Variants in FAM120B observed in about 807,000 individuals in gnomAD.
FAM120B encodes constitutive coactivator of peroxisome proliferator-activated receptor gamma.
A neutral mutation model predicts 96.3 loss-of-function variants in FAM120B; 83 were observed. The observed-to-expected ratio is 0.86, with a 90% CI of 0.72 to 1.03. FAM120B has a LOEUF of 1.03. Ranked by LOEUF, FAM120B falls within the 50% of genes least tolerant of loss-of-function variation. The pLI is 0.00. For missense variants in FAM120B, 1,027 were observed against 1,121.2 expected (o/e 0.92, Z 1.20); for synonymous variants, 407 against 402.7 (o/e 1.01, Z -0.13).
chr6:170,315,002 G>C (rs532182216), intron 1 of FAM120B, among the ~76,000 whole-genome samples: 1 of 152,364 alleles, frequency 6.6e-6, no homozygotes, highest in African/African-American at 2.4e-5. Context: ...CCCACTGGCT[G>C]CTGACCACAG....
At chr6:170,399,307 A>G (rs548743698) in intron 9 of FAM120B, among the ~76,000 whole-genome samples, 1 of 148,320 alleles carries the variant, frequency 6.7e-6, no homozygotes, top group South Asian at 2.1e-4. Context: ...GAACTATGTC[A>G]TAACTCTTAG....
intron 6 of FAM120B, among the ~76,000 whole-genome samples, chr6:170,360,586 A>G (rs972460393): frequency 6.6e-6 from 1 of 152,188 alleles, no homozygotes; most frequent in Admixed American, 6.5e-5. Context: ...CCATCCACTC[A>G]GCAGCACTGG....
intron 8 of FAM120B, among the ~76,000 whole-genome samples, chr6:170,391,491 C>T (rs1583307993): frequency 6.6e-6 from 1 of 151,808 alleles, no homozygotes; most frequent in South Asian, 2.1e-4. Flanking sequence ...GCCAAGATCA[C>T]GTCACTGCAC....
At chr6:170,337,395 T>G (rs1449898748) in intron 4 of FAM120B, among the ~76,000 whole-genome samples, 1 of 152,210 alleles carries the variant, frequency 6.6e-6, no homozygotes, top group Non-Finnish European at 1.5e-5. Context: ...CTGATCGTGG[T>G]GGATAAATTT....
rs1778796709 is a variant in FAM120B, at chr6:170,406,206, A to G, written c.*1455A>G. The G allele has an allele frequency of 6.6e-6, 1 of 152,032 alleles. No individual in the cohort carries two copies. Among genetic ancestry groups the G allele is most frequent in the Non-Finnish European group, 1.5e-5 (1 of 68,004 alleles). 9.4% of individuals were successfully genotyped at this position (152,032 alleles called of 1,614,324 possible). A position where few individuals can be genotyped will look rare whatever the true frequency, so the allele number is the denominator to read the frequency against. On this transcript the variant is annotated 3_prime_UTR_variant, in exon 11 of 11. Coordinates refer to ENST00000476287, the MANE Select transcript of FAM120B (RefSeq NM_032448.3). ...CTCTGTGGGCAGCCGTCTTCCAGAA[A>G]CCTCGAACTTATGTCTGTCTCCACC...
chr6:170,388,154 G>A lies in FAM120B; in HGVS notation c.2284-133G>A. On this transcript the variant is annotated intron_variant, in intron 6 of 10. Transcript: ENST00000476287. ...GCTGGTGAAGCTCAGCTTTGAGGAT[G>A]CAGCTATGGTGATGCTGTCCAGTTA... 4.1e-6 allele frequency: 3 copies of A among 726,122 alleles called. No individual in the cohort carries two copies. In the South Asian group the frequency reaches 5.1e-5, roughly 12 times the overall value. The allele number at this position is 726,122 out of a possible 1,614,324, so 45.0% of individuals were successfully genotyped here.
chr6:170,370,515 G>A lies in FAM120B; in HGVS notation c.2283+12197G>A, dbSNP rs1039661213. On this transcript the variant is annotated intron_variant, in intron 6 of 10. Coordinates refer to ENST00000476287, the MANE Select transcript of FAM120B (RefSeq NM_032448.3). The surrounding 1 kb of genome is among the most constrained non-coding windows in gnomAD (Gnocchi z 4.3). ...TGTCCAGTCGTGCTCTGGAAGATCT[G>A]AGTTCTTTGAAGTTCTTCTGGGGGT... is the stretch of plus-strand genomic sequence containing the variant. Among the ~76,000 whole-genome samples the A allele has an allele frequency of 2.6e-5, 4 of 152,104 alleles. No homozygotes were observed. Among genetic ancestry groups the A allele is most frequent in the Admixed American group, 2.6e-4 (4 of 15,274 alleles).
At chr6:170,346,861 T>C (rs1442157856) in intron 4 of FAM120B, among the ~76,000 whole-genome samples, 1 of 152,206 alleles carries the variant, frequency 6.6e-6, no homozygotes, top group Admixed American at 6.5e-5. Context: ...TAAGAAGTAA[T>C]TACTGACACT....
At chr6:170,338,844 CTTTTTTTTTTTT>C (rs61188907) in intron 4 of FAM120B, among the ~76,000 whole-genome samples, 2 of 85,400 alleles carry the variant, frequency 2.3e-5, no homozygotes, top group Non-Finnish European at 4.5e-5. Flanking sequence ...TTGCAACCTG[CTTTTTTTTTTTT>C]TTTTTTTTGC....
At chr6:170,400,672 C>T (rs1267756841) in intron 9 of FAM120B, among the ~76,000 whole-genome samples, 1 of 152,244 alleles carries the variant, frequency 6.6e-6, no homozygotes, top group Non-Finnish European at 1.5e-5. Flanking sequence ...CCAAGTTTTT[C>T]CTTTCCTGGC....
intron 4 of FAM120B, among the ~76,000 whole-genome samples, chr6:170,333,591 C>T (rs1231053795): frequency 6.7e-6 from 1 of 149,784 alleles, no homozygotes; most frequent in East Asian, 2.0e-4. Context: ...AATCTTAGCT[C>T]ACTGCAACCT....
At chr6:170,394,358 C>G (rs1790615763) in intron 8 of FAM120B, among the ~76,000 whole-genome samples, 1 of 152,236 alleles carries the variant, frequency 6.6e-6, no homozygotes, top group Non-Finnish European at 1.5e-5. Flanking sequence ...TCTGTTAGTT[C>G]AGGACCTGTA....
At position 170,317,466 on chromosome 6, in the gene FAM120B, C is replaced by T. The variant is rs141809062; in HGVS notation, c.76C>T (p.Leu26=). 48 of 1,614,176 alleles carry T rather than the reference C, an allele frequency of 3.0e-5. No individual in the cohort carries two copies. The African/African-American group carries it at 5.6e-4, about 19-fold the overall frequency. Reference sequence around the variant, plus strand: ...ATGTACAGTAGTAAATTTCAAAGAACTGGCAGAGCACCACCGAAGCAAGTA... The same window carrying T: ...ATGTACAGTAGTAAATTTCAAAGAATTGGCAGAGCACCACCGAAGCAAGTA... ...HICTVVNFKE[L]AEHHRSKYPG... Residue 26 remains leucine (L), a synonymous_variant, in exon 2 of 11, where the codon CTG becomes TTG. Transcript: ENST00000476287.
At chr6:170,293,961 T>C (rs1442699223), upstream of FAM120B, among the ~76,000 whole-genome samples, 2 of 152,160 alleles carry the variant, frequency 1.3e-5, no homozygotes, top group African/African-American at 4.8e-5. Flanking sequence ...TTTCATTGAT[T>C]GGGAAGACAA....
intron 1 of FAM120B, among the ~76,000 whole-genome samples, chr6:170,312,090 G>A (rs889199389): frequency 1.3e-5 from 2 of 152,168 alleles, no homozygotes; most frequent in African/African-American, 2.4e-5. Context: ...GACATCATGA[G>A]TTGGGAATAT....
intron 2 of FAM120B, among the ~76,000 whole-genome samples, chr6:170,320,037 C>T (rs9366139): frequency 0.11 from 17,425 of 152,282 alleles, 1,315 homozygotes; most frequent in East Asian, 0.31. Flanking sequence ...ATCTTCTCAA[C>T]AGCCCTGTGA....
chr6:170,326,843 A>T (rs1785619514), intron 3 of FAM120B, among the ~76,000 whole-genome samples: 1 of 152,028 alleles, frequency 6.6e-6, no homozygotes, highest in Non-Finnish European at 1.5e-5. Context: ...GGCTGAAGGG[A>T]TCCTCCTACC....
At chr6:170,325,508 A>G (rs1191605050) in intron 3 of FAM120B, among the ~76,000 whole-genome samples, 1 of 149,588 alleles carries the variant, frequency 6.7e-6, no homozygotes, top group Non-Finnish European at 1.5e-5. Flanking sequence ...TGTTTTATGC[A>G]CTCATTTGGA....
At chr6:170,324,761 CT>C (rs2115044644) in intron 3 of FAM120B, among the ~76,000 whole-genome samples, 1 of 152,194 alleles carries the variant, frequency 6.6e-6, no homozygotes, top group East Asian at 1.9e-4. Flanking sequence ...AACTTTTTGG[CT>C]TTCTACATGA....
Sources: allele counts gnomAD v4.1 joint callset (sites outside exome capture counted in the v4.1 genomes callset), GRCh38; gene constraint gnomAD v4.1.1; non-coding constraint Gnocchi (gnomAD v3.1); transcripts MANE v1.5; gene names NCBI Gene and HGNC (gene_info 2026-07-23, HGNC 2026-07-21).